POU3F3: variants seen among roughly 807,000 people sequenced by gnomAD.
POU3F3 encodes POU class 3 homeobox 3.
In POU3F3, 1 loss-of-function variant was observed where a neutral mutation model predicts 8.6. The observed-to-expected ratio is 0.12, with a 90% CI of 0.04 to 0.55. The LOEUF is 0.55. Among genes scored for constraint, POU3F3 ranks in the 20% least tolerant of loss-of-function variants. The pLI is 0.91. For missense variants in POU3F3, 577 were observed against 690.7 expected, an observed-to-expected ratio of 0.84 and a Z score of 1.84; for synonymous variants, 418 against 327.4, an observed-to-expected ratio of 1.28 and a Z score of -2.99.
chr2:104,856,067 G>A lies in POU3F3; in HGVS notation c.557G>A (p.Gly186Asp). 24 of 1,006,516 alleles carry A rather than the reference G, an allele frequency of 2.4e-5. No individual in the cohort carries two copies. Among genetic ancestry groups the A allele is most frequent in the Non-Finnish European group, 2.7e-5 (23 of 850,728 alleles). 62.3% of individuals were successfully genotyped at this position (1,006,516 alleles called of 1,614,324 possible). ...PPPPHQGHPGGWGAAAAAAAA... is the reference protein window; with the variant it reads ...PPPPHQGHPGDWGAAAAAAAA... ...CCCCCACACCAGGGCCACCCTGGGG[G>A]CTGGGGGGCGGCCGCCGCTGCCGCA... Residue 186 changes from glycine to aspartate, a missense_variant, in exon 1 of 1, where the codon GGC becomes GAC. This residue lies in a region of POU3F3 where 484 missense variants were observed against 422.6 expected (regional missense o/e 1.15). Coordinates refer to ENST00000361360, the MANE Select transcript of POU3F3 (RefSeq NM_006236.3).
Position 104,855,400 on chromosome 2 carries a change from A to T in POU3F3, c.-111A>T. 2 of 152,696 alleles carry T rather than the reference A, an allele frequency of 1.3e-5. No individual in the cohort carries two copies. Among genetic ancestry groups the T allele is most frequent in the Non-Finnish European group, 1.5e-5 (2 of 136,198 alleles). 9.5% of individuals were successfully genotyped at this position (152,696 alleles called of 1,614,324 possible). ...GGCGGGGGCGGGGAAGGAGGGGGGGAGGAGGCGGGAGGCGGGGGGCGCGGC... is the reference window on the plus strand; with the variant it reads ...GGCGGGGGCGGGGAAGGAGGGGGGGTGGAGGCGGGAGGCGGGGGGCGCGGC... On this transcript the variant is annotated 5_prime_UTR_variant, in exon 1 of 1. Coordinates refer to ENST00000361360, the MANE Select transcript of POU3F3 (RefSeq NM_006236.3).
chr2:104,909,768 T>A, the POU3F3 span, among the ~76,000 whole-genome samples: 5 of 152,260 alleles, frequency 3.3e-5, no homozygotes, highest in Non-Finnish European at 7.3e-5. Flanking sequence ...TATGCGAATT[T>A]TATTTAATTT....
chr2:104,864,947 C>T, the POU3F3 span, among the ~76,000 whole-genome samples: 58 of 152,268 alleles, frequency 3.8e-4, no homozygotes, highest in Middle Eastern at 3.4e-3. Flanking sequence ...TGTCTGTGTG[C>T]GCGCACATGC....
downstream of POU3F3, among the ~76,000 whole-genome samples, chr2:104,861,039 TGTAAA>T (rs1223519615): frequency 7.2e-5 from 11 of 152,134 alleles, no homozygotes; most frequent in African/African-American, 2.7e-4. Context: ...ATTATATATT[TGTAAA>T]GTATTTATCC....
At chr2:104,905,000 A>G in the POU3F3 span, among the ~76,000 whole-genome samples, 1 of 152,064 alleles carries the variant, frequency 6.6e-6, no homozygotes, top group Non-Finnish European at 1.5e-5. Flanking sequence ...CAGCCCTAAG[A>G]CCTGGTATCA....
chr2:104,893,906 A>G, the POU3F3 span, among the ~76,000 whole-genome samples: 24 of 145,730 alleles, frequency 1.6e-4, no homozygotes, highest in South Asian at 6.5e-4. Context: ...AAAAAAAAAG[A>G]TGCAGTGCGC....
At chr2:104,898,698 GC>G in the POU3F3 span, among the ~76,000 whole-genome samples, 1 of 152,126 alleles carries the variant, frequency 6.6e-6, no homozygotes, top group Non-Finnish European at 1.5e-5. Context: ...GAATTTTTCT[GC>G]TTGAATTTTT....
the POU3F3 span, among the ~76,000 whole-genome samples, chr2:104,923,393 G>A: frequency 6.6e-6 from 1 of 152,140 alleles, no homozygotes; most frequent in East Asian, 1.9e-4. Flanking sequence ...CCTGAAAGGG[G>A]GTAGGGAAGG....
At chr2:104,904,124 CAGA>C in the POU3F3 span, among the ~76,000 whole-genome samples, 1 of 152,150 alleles carries the variant, frequency 6.6e-6, no homozygotes, top group Non-Finnish European at 1.5e-5. Context: ...GAATTTCCAT[CAGA>C]AGAAGAACAA....
chr2:104,923,844 T>C, the POU3F3 span, among the ~76,000 whole-genome samples: 16 of 152,306 alleles, frequency 1.1e-4, no homozygotes, highest in East Asian at 3.1e-3. Flanking sequence ...AGATATTCTA[T>C]ACAAATAGTA....
chr2:104,861,162 A>G (rs1327221938), downstream of POU3F3, among the ~76,000 whole-genome samples: 1 of 152,222 alleles, frequency 6.6e-6, no homozygotes, highest in Non-Finnish European at 1.5e-5. Context: ...TTATACAAAA[A>G]TGTACTTTAA....
chr2:104,854,673 A>G lies in POU3F3; in HGVS notation c.-838A>G, dbSNP rs1289640732. On this transcript the variant is annotated 5_prime_UTR_variant, in exon 1 of 1. Coordinates refer to ENST00000361360, the MANE Select transcript of POU3F3 (RefSeq NM_006236.3). This position sits in a 1 kb window ranked among gnomAD's most constrained non-coding sequence, Gnocchi z 4.5. The stretch of plus-strand genomic sequence containing the variant: ...AATAGCAACTTCAGAGAAATGCACC[A>G]TCGCAAGAAGTTTTCCTAGGACAGA... 3.9e-5 allele frequency among the ~76,000 whole-genome samples: 6 copies of G among 152,186 alleles called. No individual in the cohort carries two copies. Among genetic ancestry groups the G allele is most frequent in the Admixed American group, 3.3e-4 (5 of 15,282 alleles).
At chr2:104,876,019 C>A in the POU3F3 span, among the ~76,000 whole-genome samples, 1 of 152,146 alleles carries the variant, frequency 6.6e-6, no homozygotes, top group Non-Finnish European at 1.5e-5. Context: ...TGCCCAGCCT[C>A]TTTTAACTTT....
chr2:104,883,587 A>G, the POU3F3 span, among the ~76,000 whole-genome samples: 1 of 152,146 alleles, frequency 6.6e-6, no homozygotes, highest in African/African-American at 2.4e-5. Context: ...CACCATTCTC[A>G]TCCCATTTCT....
the POU3F3 span, among the ~76,000 whole-genome samples, chr2:104,895,062 AGTGTGTGTGT>A: frequency 5.0e-3 from 744 of 149,042 alleles, 8 homozygotes; most frequent in African/African-American, 0.015. Flanking sequence ...TGCACAGGTG[AGTGTGTGTGT>A]GTGTGTGTGT....
At position 104,856,716 on chromosome 2, in the gene POU3F3, G is replaced by C. The variant is rs140129722; in HGVS notation, c.1206G>C (p.Ala402=). Residue 402 remains alanine, a synonymous_variant, in exon 1 of 1, where the codon GCG becomes GCC. Transcript: ENST00000361360. ...GSPTSIDKIA[A]QGRKRKKRTS... Reference sequence around the variant, plus strand: ...CCACAAGCATCGACAAGATCGCGGCGCAGGGCCGCAAGCGCAAGAAGCGGA... The same window carrying C: ...CCACAAGCATCGACAAGATCGCGGCCCAGGGCCGCAAGCGCAAGAAGCGGA... The C allele has an allele frequency of 6.2e-6, 10 of 1,614,008 alleles. No individual in the cohort carries two copies. In the African/African-American group the frequency reaches 1.2e-4, roughly 19 times the overall value.
the POU3F3 span, chr2:104,866,649 T>C: frequency 6.6e-6 from 1 of 152,162 alleles, no homozygotes; most frequent in Non-Finnish European, 1.5e-5. Context: ...CACTTGATTT[T>C]CTCCAAATGA....
At chr2:104,875,148 T>C in the POU3F3 span, among the ~76,000 whole-genome samples, 1 of 152,218 alleles carries the variant, frequency 6.6e-6, no homozygotes, top group African/African-American at 2.4e-5. Context: ...TCATCCATGT[T>C]GTAGCATGTA....
the POU3F3 span, among the ~76,000 whole-genome samples, chr2:104,863,974 A>C: frequency 6.6e-6 from 1 of 152,146 alleles, no homozygotes; most frequent in East Asian, 1.9e-4. Context: ...TGCGCGCCGC[A>C]CGGGGCGGTG....
Sources: allele counts gnomAD v4.1 joint callset (sites outside exome capture counted in the v4.1 genomes callset), GRCh38; gene constraint gnomAD v4.1.1; regional missense constraint gnomAD v4.1.1; non-coding constraint Gnocchi (gnomAD v3.1); transcripts MANE v1.5; gene names NCBI Gene and HGNC (gene_info 2026-07-23, HGNC 2026-07-21).